The following ENOX1 variants were observed in gnomAD, a reference collection of about 807,000 sequenced individuals.
ENOX1 encodes candidate growth-related and time keeping constitutive hydroquinone (NADH) oxidase.
A neutral mutation model predicts 82.5 loss-of-function variants in ENOX1; 42 were observed. That is an observed-to-expected ratio of 0.51 (90% CI 0.40 to 0.66). ENOX1 has a LOEUF of 0.66. ENOX1 is among the 30% of genes least tolerant of loss of function. ENOX1 has a pLI of 0.00. For synonymous variants in ENOX1, 271 were observed against 282.2 expected (o/e 0.96, Z 0.40); for missense variants, 608 against 811.6 (o/e 0.75, Z 3.05).
intron 1 of ENOX1, among the ~76,000 whole-genome samples, chr13:43,738,342 TTAAA>T (rs1413336371): frequency 2.6e-5 from 4 of 152,202 alleles, no homozygotes; most frequent in African/African-American, 9.6e-5. Context: ...TTCTCTGACG[TTAAA>T]TGAATAAAGA....
rs560872566 is a variant in ENOX1, at chr13:43,498,475, T to G, written c.-218-14323A>C. 5.5e-4 allele frequency among the ~76,000 whole-genome samples: 83 copies of G among 152,122 alleles called. 1 individual carries two copies. Among genetic ancestry groups the G allele is most frequent in the African/African-American group, 1.9e-3 (78 of 41,524 alleles). On this transcript the variant is annotated intron_variant, in intron 2 of 16. Coordinates refer to ENST00000690772, the MANE Select transcript of ENOX1 (RefSeq NM_001347969.2). Reference sequence around the variant, plus strand: ...CTTAAAGCGCTTCCAATGGCCAAACTGCAACAATTTGAGAAACAATAAATA... The same window carrying G: ...CTTAAAGCGCTTCCAATGGCCAAACGGCAACAATTTGAGAAACAATAAATA...
chr13:43,626,975 C>T (rs1034355787), intron 2 of ENOX1, among the ~76,000 whole-genome samples: 1 of 151,842 alleles, frequency 6.6e-6, no homozygotes, highest in Non-Finnish European at 1.5e-5. Flanking sequence ...GCTGTTGTCT[C>T]GTGCATTAAC....
At chr13:43,565,567 A>G (rs2079881492) in intron 2 of ENOX1, among the ~76,000 whole-genome samples, 1 of 152,164 alleles carries the variant, frequency 6.6e-6, no homozygotes, top group South Asian at 2.1e-4. Flanking sequence ...CAGGGTGGTC[A>G]CAGCTCCAGT....
In ENOX1 at chr13:43,355,904, G is replaced by T. The variant is rs371019912; in HGVS notation, c.823+15C>A. On this transcript the variant is annotated intron_variant, in intron 8 of 16. Transcript: ENST00000690772. Reference sequence around the variant, plus strand: ...TCCCTGTGGAGGAAGAAAAGCCAGCGTGGGTGGCCCATACCTTTCAGCTTT... The same window carrying T: ...TCCCTGTGGAGGAAGAAAAGCCAGCTTGGGTGGCCCATACCTTTCAGCTTT... 6.2e-7 allele frequency: 1 copy of T among 1,601,330 alleles called. No homozygotes were observed. Among genetic ancestry groups the T allele is most frequent in the Non-Finnish European group, 8.5e-7 (1 of 1,172,082 alleles).
chr13:43,712,899 T>C (rs1305386073), intron 1 of ENOX1, among the ~76,000 whole-genome samples: 1 of 151,998 alleles, frequency 6.6e-6, no homozygotes, highest in Non-Finnish European at 1.5e-5. Context: ...TTGAATACCC[T>C]TTATTTCCTT....
At chr13:43,537,456 AG>A (rs2078511599) in intron 2 of ENOX1, among the ~76,000 whole-genome samples, 1 of 152,216 alleles carries the variant, frequency 6.6e-6, no homozygotes, top group East Asian at 1.9e-4. Context: ...TGAGTGAGCA[AG>A]CTGAAGCCAA....
intron 1 of ENOX1, among the ~76,000 whole-genome samples, chr13:43,778,177 G>C (rs1253000404): frequency 1.3e-5 from 2 of 152,192 alleles, no homozygotes; most frequent in African/African-American, 4.8e-5. Context: ...CAGAATATTA[G>C]TATTCCTACA....
At chr13:43,428,511 G>A (rs1242332101) in intron 3 of ENOX1, among the ~76,000 whole-genome samples, 1 of 152,208 alleles carries the variant, frequency 6.6e-6, no homozygotes, top group Non-Finnish European at 1.5e-5. Flanking sequence ...CTGATAGAAT[G>A]CACTAGTGAG....
At chr13:43,685,842 C>T (rs2086041109) in intron 1 of ENOX1, among the ~76,000 whole-genome samples, 3 of 148,878 alleles carry the variant, frequency 2.0e-5, no homozygotes, top group African/African-American at 7.4e-5. Flanking sequence ...ATCTAACAGA[C>T]TTGTCACTGC....
At position 43,298,432 on chromosome 13, in the gene ENOX1, TTTC is replaced by T; in HGVS notation, c.1357_1359del (p.Glu453del). On this transcript the variant is annotated inframe_deletion, in exon 12 of 17. Coordinates refer to ENST00000690772, the MANE Select transcript of ENOX1 (RefSeq NM_001347969.2). ...TCTTCTGTTCGGAAAAGCTGTTCTT[TTTC>T]TTGTTTCAGCAGCTCCACCTCATTC... 1.9e-6 allele frequency: 3 copies of T among 1,614,184 alleles called. No individual in the cohort carries two copies. Among genetic ancestry groups the T allele is most frequent in the Non-Finnish European group, 2.5e-6 (3 of 1,180,034 alleles).
At chr13:43,642,693 T>C (rs1210153746) in intron 2 of ENOX1, among the ~76,000 whole-genome samples, 1 of 152,224 alleles carries the variant, frequency 6.6e-6, no homozygotes, top group East Asian at 1.9e-4. Flanking sequence ...CCCACTGGGA[T>C]TGGATTCCTT....
intron 9 of ENOX1, among the ~76,000 whole-genome samples, chr13:43,334,676 G>T (rs935781618): frequency 2.0e-5 from 3 of 152,100 alleles, no homozygotes; most frequent in Non-Finnish European, 4.4e-5. Flanking sequence ...CTCTACAAAA[G>T]TGTATTGAGG....
chr13:43,547,726 C>T (rs1477003494), intron 2 of ENOX1: 4 of 152,202 alleles, frequency 2.6e-5, no homozygotes, highest in African/African-American at 9.7e-5. Context: ...AAACCGTGTT[C>T]TGCCTAAATA....
At chr13:43,657,778 G>A (rs2084515109) in intron 2 of ENOX1, among the ~76,000 whole-genome samples, 1 of 152,134 alleles carries the variant, frequency 6.6e-6, no homozygotes, top group African/African-American at 2.4e-5. Flanking sequence ...TCTTTTACTG[G>A]CATCCAGGCT....
intron 2 of ENOX1, among the ~76,000 whole-genome samples, chr13:43,487,691 A>G (rs745470781): frequency 2.8e-4 from 43 of 152,172 alleles, no homozygotes; most frequent in Non-Finnish European, 4.4e-4. Context: ...CAAATCTCCA[A>G]TGTGACCTTT....
intron 1 of ENOX1, among the ~76,000 whole-genome samples, chr13:43,723,032 A>G (rs1026873479): frequency 2.0e-5 from 3 of 152,178 alleles, no homozygotes; most frequent in African/African-American, 4.8e-5. Context: ...ACAGTTTGTG[A>G]GTTCCTAGCC....
intron 1 of ENOX1, among the ~76,000 whole-genome samples, chr13:43,758,833 T>G (rs1160306109): frequency 1.3e-5 from 2 of 152,212 alleles, no homozygotes; most frequent in African/African-American, 2.4e-5. Flanking sequence ...ATGATTAGTA[T>G]TCAATAAATG....
At chr13:43,785,928 G>GGCGGCCGGCGTCCA (rs1259748111) in intron 1 of ENOX1, among the ~76,000 whole-genome samples, 2 of 152,050 alleles carry the variant, frequency 1.3e-5, no homozygotes, top group African/African-American at 4.8e-5. Flanking sequence ...GAGGCGGGGA[G>GGCGGCCGGCGTCCA]GCGGCCGGCG....
intron 2 of ENOX1, among the ~76,000 whole-genome samples, chr13:43,596,381 G>A (rs1410186525): frequency 6.6e-6 from 1 of 152,212 alleles, no homozygotes; most frequent in African/African-American, 2.4e-5. Flanking sequence ...CTCATATGTA[G>A]AAAGTTCCTA....
Sources: gnomAD v4.1 joint callset for allele counts (sites outside exome capture counted in the v4.1 genomes callset) on GRCh38, gnomAD v4.1.1 for gene constraint, MANE v1.5 for transcripts, NCBI Gene and HGNC (gene_info 2026-07-23, HGNC 2026-07-21) for gene names.